PRPF40B: variants seen among roughly 807,000 people sequenced by gnomAD.
The protein encoded by PRPF40B is pre-mRNA-processing factor 40 homolog B.
PRPF40B carries 56 observed loss-of-function variants against 124.5 expected under a neutral mutation model. The observed-to-expected ratio is 0.45, with a 90% CI of 0.36 to 0.56. PRPF40B has a LOEUF of 0.56. Ranked by LOEUF, PRPF40B falls within the 20% of genes least tolerant of loss-of-function variation. The probability of loss-of-function intolerance (pLI) is 0.00; values close to 1 mark genes in which losing one functional copy is unlikely to be tolerated. For synonymous variants in PRPF40B, 443 were observed against 426.4 expected (o/e 1.04, Z -0.48); for missense variants, 1,053 against 1,169.5 (o/e 0.90, Z 1.45).
rs770944800 is a variant in PRPF40B at position 49,631,352 on chromosome 12, C to T, written c.85-49C>T. The T allele has an allele frequency of 3.6e-6, 5 of 1,399,666 alleles. No homozygotes were observed. The highest frequency in any genetic ancestry group is 4.8e-6 in the Non-Finnish European group (5 of 1,049,740). The allele number at this position is 1,399,666 out of a possible 1,614,324, so 86.7% of individuals were successfully genotyped here. On this transcript the variant is annotated intron_variant, in intron 2 of 25. Coordinates refer to ENST00000548825, the MANE Select transcript of PRPF40B (RefSeq NM_001031698.3). This position sits in a 1 kb window ranked among gnomAD's most constrained non-coding sequence, Gnocchi z 4.3. ...CCTGACAGGTCCTCTCTACCTCTGA[C>T]AAGGCGATGTCTTCCCTGCTCAGTA...
rs770015458 is a variant in PRPF40B, at chr12:49,635,182, G to A, written c.1085G>A (p.Arg362Gln). Residue 362 changes from arginine (R) to glutamine (Q), a missense_variant, in exon 13 of 26, where the codon CGG becomes CAG. Arg to Gln is a conservative substitution (Grantham distance 43). Coordinates refer to ENST00000548825, the MANE Select transcript of PRPF40B (RefSeq NM_001031698.3). This position sits in a 1 kb window ranked among gnomAD's most constrained non-coding sequence, Gnocchi z 4.1. ...GAGAAGGAGGAGAAGGAGGAGGCCC[G>A]GCTAAGGGCCAAAGAGGCCAAGCAG... ...QREKEEKEEARLRAKEAKQTL... is the reference protein window; with the variant it reads ...QREKEEKEEAQLRAKEAKQTL... 3.7e-6 allele frequency: 6 copies of A among 1,614,118 alleles called. No individual in the cohort carries two copies. The highest frequency in any genetic ancestry group is 1.1e-5 in the South Asian group (1 of 91,086).
chr12:49,635,032 G>A lies in PRPF40B; in HGVS notation c.1002-67G>A. 6.8e-7 allele frequency: 1 copy of A among 1,475,664 alleles called. No individual in the cohort carries two copies. The highest frequency in any genetic ancestry group is 9.2e-7 in the Non-Finnish European group (1 of 1,088,748). 91.4% of individuals were successfully genotyped at this position (1,475,664 alleles called of 1,614,324 possible). On this transcript the variant is annotated intron_variant, in intron 12 of 25. Transcript: ENST00000548825. This position sits in a 1 kb window ranked among gnomAD's most constrained non-coding sequence, Gnocchi z 4.1. ...GCCTGCAGTGTCTCATGACCCTCCA[G>A]TGTGGGCTGTGCAGAGTGGTTCGGG...
At chr12:49,636,088 T>C in intron 15 of PRPF40B, 95 bp downstream of exon 15, 1 of 1,495,588 alleles carries the variant, frequency 6.7e-7, no homozygotes, top group Non-Finnish European at 9.1e-7. Flanking sequence ...CTGTACCTCC[T>C]GCCCTCCCGG....
At chr12:49,639,732 A>C (rs1351386375) in intron 18 of PRPF40B, 1 of 152,222 alleles carries the variant, frequency 6.6e-6, no homozygotes, top group African/African-American at 2.4e-5. Flanking sequence ...GTCACTAAGT[A>C]GAATTGATAG....
chr12:49,644,040 G>C, intron 25 of PRPF40B, 36 bp downstream of exon 25: 1 of 1,614,152 alleles, frequency 6.2e-7, no homozygotes, highest in Non-Finnish European at 8.5e-7. Context: ...TCAGCACGCT[G>C]GTCAAGCTTC....
chr12:49,634,212 G>A, intron 10 of PRPF40B, 120 bp downstream of exon 10: 1 of 1,583,594 alleles, frequency 6.3e-7, no homozygotes, highest in Non-Finnish European at 8.6e-7. Context: ...TGTGACCTCT[G>A]AAGGGCAGAA....
At position 49,643,991 on chromosome 12, in the gene PRPF40B, T is replaced by A. The variant is rs1157894227; in HGVS notation, c.2573T>A (p.Ile858Asn). The change falls in exon 25 of 26, where the codon ATC becomes AAC. Residue 858 changes from isoleucine (I) to asparagine (N), a missense_variant. Ile to Asn is a moderately radical substitution (Grantham distance 149). Transcript: ENST00000548825. ...CCTAACCGTTCCCCAGGCTTTGGAA[T>A]CAAGAAGGAGAAGGTGAGGGGCAGG... is the stretch of plus-strand genomic sequence containing the variant. ...ELPNRSPGFG[I>N]KKEKTGWDTS... The A allele has an allele frequency of 1.2e-6, 2 of 1,614,112 alleles. No homozygotes were observed. Among genetic ancestry groups the A allele is most frequent in the South Asian group, 2.2e-5 (2 of 91,078 alleles).
At position 49,642,572 on chromosome 12, in the gene PRPF40B, C is replaced by T. The variant is rs771402993; in HGVS notation, c.2023-8C>T. 9.3e-6 allele frequency: 15 copies of T among 1,613,970 alleles called. No homozygotes were observed. Among genetic ancestry groups the T allele is most frequent in the Middle Eastern group, 1.6e-4 (1 of 6,084 alleles). Reference sequence around the variant, plus strand: ...CTAGTCTGATCAGCAGTGCTCTCCTCGTTCAAGGTCCGTGAGCGTTTTGTG... The same window carrying T: ...CTAGTCTGATCAGCAGTGCTCTCCTTGTTCAAGGTCCGTGAGCGTTTTGTG... On this transcript the variant is annotated splice_polypyrimidine_tract_variant and splice_region_variant and intron_variant, in intron 20 of 25. Coordinates refer to ENST00000548825, the MANE Select transcript of PRPF40B (RefSeq NM_001031698.3). The surrounding 1 kb of genome is among the most constrained non-coding windows in gnomAD (Gnocchi z 5.8).
At position 49,633,088 on chromosome 12, in the gene PRPF40B, G is replaced by T. The variant is rs199892725; in HGVS notation, c.423G>T (p.Val141=). ...ACAATGCTGACGACAAGCAGTCCGT[G>T]TGGGAGAAGCCCAGCGTGCTCAAGT... The part of the protein sequence containing the change: ...YYYNADDKQS[V]WEKPSVLKSK... Residue 141 remains valine, a synonymous_variant, in exon 7 of 26, where the codon GTG becomes GTT. Transcript: ENST00000548825. The T allele has an allele frequency of 6.2e-5, 99 of 1,593,154 alleles. No homozygotes were observed. In the East Asian group the frequency reaches 2.3e-3, roughly 36 times the overall value.
Position 49,633,018 on chromosome 12 carries a change from C to T in PRPF40B, c.353C>T (p.Ala118Val), listed in dbSNP as rs745727859. The change falls in exon 7 of 26, where the codon GCC (alanine) becomes GTC (valine). Residue 118 changes from alanine (A) to valine (V), a missense_variant. Ala to Val is a moderately conservative substitution (Grantham distance 64). This residue lies in a region of PRPF40B where 895 missense variants were observed against 1,052.2 expected (regional missense o/e 0.85). Transcript: ENST00000548825. ...SAVAGTGPPR[A>V]LWSEHVAPDG... ...TGTGCCCCCCCCCCCACCCAGAGGGCCCTATGGAGTGAGCATGTGGCCCCA... is the reference window on the plus strand; with the variant it reads ...TGTGCCCCCCCCCCCACCCAGAGGGTCCTATGGAGTGAGCATGTGGCCCCA... 7 of 1,277,966 alleles carry T rather than the reference C, an allele frequency of 5.5e-6. No homozygotes were observed. The Admixed American group carries it at 1.3e-4, about 24-fold the overall frequency. 79.2% of individuals were successfully genotyped at this position (1,277,966 alleles called of 1,614,324 possible).
intron 18 of PRPF40B, chr12:49,641,476 A>C (rs1942640569): frequency 6.0e-6 from 1 of 167,772 alleles, no homozygotes; most frequent in Non-Finnish European, 1.3e-5. Flanking sequence ...AAATGAGATA[A>C]TGTGTGAAAC....
chr12:49,632,966 T>G, intron 6 of PRPF40B, 48 bp from the exon 7 acceptor site: 1 of 1,610,748 alleles, frequency 6.2e-7, no homozygotes, highest in Non-Finnish European at 8.5e-7. Context: ...AGGAGAGGCT[T>G]TGGAAAAGGG....
rs775966493 is a variant in PRPF40B at position 49,643,268 on chromosome 12, C to T, written c.2251C>T (p.Pro751Ser). 3.9e-5 allele frequency: 63 copies of T among 1,613,918 alleles called. No homozygotes were observed. The highest frequency in any genetic ancestry group is 4.8e-5 in the Non-Finnish European group (57 of 1,180,008). The part of the protein sequence containing the change: ...EEELPPPSLR[P>S]PKRRRRNPSE... The stretch of plus-strand genomic sequence containing the variant: ...GGAGCTGCCCCCACCATCTCTCCGG[C>T]CCCCCAAGCGGAGGAGGCGGAACCC... The change falls in exon 23 of 26, where the codon CCC becomes TCC. Residue 751 changes from proline (P) to serine (S), a missense_variant. Physicochemically the swap from Pro to Ser is moderately conservative, Grantham distance 74. Coordinates refer to ENST00000548825, the MANE Select transcript of PRPF40B (RefSeq NM_001031698.3).
Position 49,631,726 on chromosome 12 carries a change from G to C in PRPF40B, c.229-134G>C, listed in dbSNP as rs535784026. 25 of 1,237,178 alleles carry C rather than the reference G, an allele frequency of 2.0e-5. No individual in the cohort carries two copies. In the South Asian group the frequency reaches 2.7e-4, roughly 14 times the overall value. 76.6% of individuals were successfully genotyped at this position (1,237,178 alleles called of 1,614,324 possible). On this transcript the variant is annotated intron_variant, in intron 3 of 25. Transcript: ENST00000548825. This position sits in a 1 kb window ranked among gnomAD's most constrained non-coding sequence, Gnocchi z 4.3. ...CAGGCAAGGTGAGAGGCCAGAATCT[G>C]GGGATTGCCTGAGGAAGTGCCCAAG... is the stretch of plus-strand genomic sequence containing the variant.
At chr12:49,627,764 G>A (rs993953240) in intron 1 of PRPF40B, among the ~76,000 whole-genome samples, 1 of 152,128 alleles carries the variant, frequency 6.6e-6, no homozygotes, top group Non-Finnish European at 1.5e-5. Flanking sequence ...GTGGATGTGG[G>A]GAAAACAGTT....
At position 49,635,014 on chromosome 12, in the gene PRPF40B, G is replaced by A; in HGVS notation, c.1002-85G>A. 1.4e-6 allele frequency: 2 copies of A among 1,380,744 alleles called. No homozygotes were observed. Among genetic ancestry groups the A allele is most frequent in the Non-Finnish European group, 2.0e-6 (2 of 1,016,986 alleles). 85.5% of individuals were successfully genotyped at this position (1,380,744 alleles called of 1,614,324 possible). On this transcript the variant is annotated intron_variant, in intron 12 of 25. Transcript: ENST00000548825. This position sits in a 1 kb window ranked among gnomAD's most constrained non-coding sequence, Gnocchi z 4.1. ...GCCCTTGGAGCCCCTGCAGCCTGCA[G>A]TGTCTCATGACCCTCCAGTGTGGGC...
At chr12:49,639,356 T>C (rs1382356018) in intron 18 of PRPF40B, 1 of 152,190 alleles carries the variant, frequency 6.6e-6, no homozygotes, top group Admixed American at 6.5e-5. Flanking sequence ...GGTACAAAAG[T>C]CCAAGAAGCA....
chr12:49,641,470 G>GA (rs1194836372), intron 18 of PRPF40B: 2 of 165,674 alleles, frequency 1.2e-5, no homozygotes, highest in East Asian at 3.4e-4. Context: ...AGGATTAAAT[G>GA]AGATAATGTG....
Position 49,632,881 on chromosome 12 carries a change from G to C in PRPF40B, c.348+1G>C. 6.2e-7 allele frequency: 1 copy of C among 1,613,756 alleles called. No individual in the cohort carries two copies. On this transcript the variant is annotated splice_donor_variant, in intron 6 of 25. Transcript: ENST00000548825. LOFTEE classifies it high-confidence loss of function. Reference sequence around the variant, plus strand: ...TGCTGTGGCTGGGACAGGCCCTCCGGTGAGTTCTTCCAGCTCAGGGGTCTC... The same window carrying C: ...TGCTGTGGCTGGGACAGGCCCTCCGCTGAGTTCTTCCAGCTCAGGGGTCTC...
Sources: allele counts gnomAD v4.1 joint callset (sites outside exome capture counted in the v4.1 genomes callset), GRCh38; gene constraint gnomAD v4.1.1; regional missense constraint gnomAD v4.1.1; non-coding constraint Gnocchi (gnomAD v3.1); transcripts MANE v1.5; gene names NCBI Gene and HGNC (gene_info 2026-07-23, HGNC 2026-07-21).